LRMDA: variants seen among roughly 807,000 people sequenced by gnomAD.
LRMDA encodes leucine-rich melanocyte differentiation-associated protein.
A neutral mutation model predicts 29.8 loss-of-function variants in LRMDA; 18 were observed. The ratio of observed to expected loss-of-function variants is 0.60; its 90% CI spans 0.42 to 0.90. LRMDA has a LOEUF of 0.90. Ranked by LOEUF, LRMDA falls within the 40% of genes least tolerant of loss-of-function variation. LRMDA has a pLI of 0.00. For synonymous variants in LRMDA, 125 were observed against 109.4 expected (o/e 1.14, Z -0.89); for missense variants, 273 against 273.9 (o/e 1.00, Z 0.02).
intron 2 of LRMDA, among the ~76,000 whole-genome samples, chr10:75,523,827 C>T (rs1191195079): frequency 6.6e-6 from 1 of 152,096 alleles, no homozygotes; most frequent in East Asian, 1.9e-4. Flanking sequence ...CTCTCTGCCC[C>T]TTCCTGAGGC....
chr10:75,464,607 C>T (rs1844628263), intron 2 of LRMDA, among the ~76,000 whole-genome samples: 1 of 152,194 alleles, frequency 6.6e-6, no homozygotes, highest in Non-Finnish European at 1.5e-5. Context: ...GGATCTGCTG[C>T]TGGGGCTAAA....
intron 2 of LRMDA, among the ~76,000 whole-genome samples, chr10:75,604,724 A>AT (rs1379170120): frequency 6.6e-6 from 1 of 152,200 alleles, no homozygotes; most frequent in Non-Finnish European, 1.5e-5. Flanking sequence ...AAATACTATG[A>AT]TTTTAAGAAC....
chr10:76,227,497 TGACA>T (rs1387972564), intron 5 of LRMDA, among the ~76,000 whole-genome samples: 8 of 152,224 alleles, frequency 5.3e-5, no homozygotes, highest in Non-Finnish European at 1.0e-4. Context: ...TGCAAGTCTT[TGACA>T]GACAGAGTAG....
At chr10:76,238,684 C>T (rs1056875022) in intron 5 of LRMDA, among the ~76,000 whole-genome samples, 3 of 151,862 alleles carry the variant, frequency 2.0e-5, no homozygotes, top group South Asian at 4.2e-4. Context: ...AGATAATGTT[C>T]GATGACAAAC....
At chr10:75,820,310 T>G (rs1001463920) in intron 2 of LRMDA, among the ~76,000 whole-genome samples, 1 of 152,190 alleles carries the variant, frequency 6.6e-6, no homozygotes, top group African/African-American at 2.4e-5. Flanking sequence ...AAGTACCGTC[T>G]CAGACTAGAG....
intron 2 of LRMDA, among the ~76,000 whole-genome samples, chr10:75,852,823 A>G (rs982174586): frequency 6.6e-6 from 1 of 152,182 alleles, no homozygotes; most frequent in Admixed American, 6.5e-5. Context: ...TATAGGCTCC[A>G]TAGATGGGGG....
At chr10:76,521,443 C>G (rs935420030) in intron 6 of LRMDA, among the ~76,000 whole-genome samples, 1 of 152,138 alleles carries the variant, frequency 6.6e-6, no homozygotes, top group Non-Finnish European at 1.5e-5. Flanking sequence ...CCCATTATTA[C>G]CATTTTAATG....
chr10:76,077,992 ATTTTTTTTTTTTTTTTTTTTT>A (rs756023731), intron 5 of LRMDA, among the ~76,000 whole-genome samples: 10 of 48,048 alleles, frequency 2.1e-4, no homozygotes, highest in East Asian at 6.1e-4. Context: ...CAATATTAAC[ATTTTTTTTTTTTTTTTTTTTT>A]TTTTTTTTTT....
chr10:75,785,507 A>G (rs994431669), intron 2 of LRMDA, among the ~76,000 whole-genome samples: 4 of 152,176 alleles, frequency 2.6e-5, no homozygotes, highest in African/African-American at 7.2e-5. Flanking sequence ...TTTCTGGAAA[A>G]CATTCTCTGC....
At chr10:75,815,531 G>A (rs557605717) in intron 2 of LRMDA, among the ~76,000 whole-genome samples, 13 of 152,198 alleles carry the variant, frequency 8.5e-5, no homozygotes, top group African/African-American at 2.4e-4. Context: ...TCACTTCTAG[G>A]TATAAGCATT....
At chr10:76,147,704 C>T (rs1310473362) in intron 5 of LRMDA, among the ~76,000 whole-genome samples, 1 of 152,176 alleles carries the variant, frequency 6.6e-6, no homozygotes, top group South Asian at 2.1e-4. Context: ...CATTCTCCAT[C>T]CAGCTTTGTT....
chr10:76,224,667 CTTTT>C (rs35143239), intron 5 of LRMDA, among the ~76,000 whole-genome samples: 5 of 105,350 alleles, frequency 4.7e-5, no homozygotes, highest in East Asian at 3.0e-4. Context: ...GTCTAGGACT[CTTTT>C]TTTTTTTTTT....
intron 2 of LRMDA, among the ~76,000 whole-genome samples, chr10:75,762,952 C>A (rs568816154): frequency 6.6e-6 from 1 of 152,178 alleles, no homozygotes; most frequent in Non-Finnish European, 1.5e-5. Flanking sequence ...GGAAAGGAAG[C>A]TTCATTTCTT....
chr10:75,937,195 A>G (rs1318032349), intron 2 of LRMDA, among the ~76,000 whole-genome samples: 4 of 152,210 alleles, frequency 2.6e-5, no homozygotes, highest in African/African-American at 9.6e-5. Context: ...TTTTTGCTAA[A>G]TTTGTTGAAC....
At chr10:76,112,486 C>T (rs959760596) in intron 5 of LRMDA, among the ~76,000 whole-genome samples, 19 of 152,166 alleles carry the variant, frequency 1.2e-4, no homozygotes, top group Non-Finnish European at 2.4e-4. Context: ...CCCAAAGAGC[C>T]GGTGGGGAGG....
chr10:75,466,355 T>C (rs549933636), intron 2 of LRMDA, among the ~76,000 whole-genome samples: 2 of 152,238 alleles, frequency 1.3e-5, no homozygotes, highest in South Asian at 4.2e-4. Flanking sequence ...TTCCTGGGTC[T>C]GTAGTGATAG....
intron 2 of LRMDA, among the ~76,000 whole-genome samples, chr10:75,474,081 T>G (rs1844760159): frequency 6.6e-6 from 1 of 152,222 alleles, no homozygotes. Flanking sequence ...ATCTAGAACA[T>G]GCAGTTGCAT....
At chr10:75,891,190 G>T (rs1391698443) in intron 2 of LRMDA, among the ~76,000 whole-genome samples, 1 of 152,090 alleles carries the variant, frequency 6.6e-6, no homozygotes, top group African/African-American at 2.4e-5. Context: ...TGAGAAAACT[G>T]CCAGGAAGCT....
intron 2 of LRMDA, among the ~76,000 whole-genome samples, chr10:75,829,520 T>C (rs965137897): frequency 3.9e-5 from 6 of 152,226 alleles, no homozygotes; most frequent in African/African-American, 1.4e-4. Context: ...TGATTTATTT[T>C]TACCTAAATC....
Sources: allele counts gnomAD v4.1 joint callset (sites outside exome capture counted in the v4.1 genomes callset), GRCh38; gene constraint gnomAD v4.1.1; transcripts MANE v1.5; gene names NCBI Gene and HGNC (gene_info 2026-07-23, HGNC 2026-07-21).